The following PARD3B variants were observed in gnomAD, a reference collection of about 807,000 sequenced individuals.
PARD3B encodes the protein partitioning defective 3 homolog B.
A neutral mutation model predicts 130.2 loss-of-function variants in PARD3B; 103 were observed. The ratio of observed to expected loss-of-function variants is 0.79; its 90% CI spans 0.67 to 0.93. The LOEUF (loss-of-function observed/expected upper bound fraction) is 0.93. Ranked by LOEUF, PARD3B falls within the 40% of genes least tolerant of loss-of-function variation. The pLI is 0.00. For missense variants in PARD3B, 1,609 were observed against 1,499.2 expected (o/e 1.07, Z -1.21); for synonymous variants, 583 against 553.2 (o/e 1.05, Z -0.76).
chr2:205,507,193 A>T, intron 21 of PARD3B, among the ~76,000 whole-genome samples: 1 of 42,358 alleles, frequency 2.4e-5, no homozygotes, highest in East Asian at 7.2e-4. Context: ...AGACAGGTGC[A>T]GTATTTTTTT....
chr2:205,539,129 G>C (rs747843879), intron 21 of PARD3B, among the ~76,000 whole-genome samples: 1 of 152,138 alleles, frequency 6.6e-6, no homozygotes, highest in African/African-American at 2.4e-5. Flanking sequence ...TTTCCAGTTA[G>C]AATTAATTAA....
chr2:204,822,428 A>G (rs2043397228), intron 2 of PARD3B, among the ~76,000 whole-genome samples: 1 of 152,216 alleles, frequency 6.6e-6, no homozygotes, highest in Non-Finnish European at 1.5e-5. Flanking sequence ...GATTTAGAAT[A>G]TTTCATAAAC....
Position 205,509,370 on chromosome 2 carries a change from A to G in PARD3B, c.3180+9339A>G, listed in dbSNP as rs140932345. ...TAACCCCCTCCCTTCTTTTCTGGAC[A>G]CATTTTTTTGGGATACTCTCTGGGC... On this transcript the variant is annotated intron_variant, in intron 21 of 22. Transcript: ENST00000406610. 8.7e-3 allele frequency among the ~76,000 whole-genome samples: 1,331 copies of G among 152,206 alleles called. 9 individuals are homozygous for G. Among genetic ancestry groups the G allele is most frequent in the Non-Finnish European group, 0.015 (1,026 of 68,010 alleles).
In PARD3B at chr2:205,121,924, G is replaced by T; in HGVS notation, c.1140G>T (p.Lys380Asn). The T allele has an allele frequency of 6.2e-7, 1 of 1,610,312 alleles. No individual in the cohort carries two copies. The highest frequency in any genetic ancestry group is 8.5e-7 in the Non-Finnish European group (1 of 1,177,866). Residue 380 changes from lysine to asparagine, a missense_variant, in exon 8 of 23, where the codon AAG (lysine) becomes AAT (asparagine). Coordinates refer to ENST00000406610, the MANE Select transcript of PARD3B (RefSeq NM_001302769.2). The surrounding 1 kb of genome is among the most constrained non-coding windows in gnomAD (Gnocchi z 5.0). ...LMGFGSNKNA[K>N]KIKIDLKKGP... ...GATTTGGCAGCAATAAAAATGCAAA[G>T]AAAATTAAGATTGACCTAAAGAAAG...
rs115013172 is a variant in PARD3B, at chr2:205,575,601, T to A, written c.3260+22198T>A. Among the ~76,000 whole-genome samples the A allele has an allele frequency of 6.6e-3, 1,010 of 152,308 alleles. 16 individuals carry two copies. The highest frequency in any genetic ancestry group is 0.023 in the African/African-American group (973 of 41,564). ...CTGTCTTCATAGTTCTAACTTTTAGTATGTCATATGCTTGGAATCACACAG... is the reference window on the plus strand; with the variant it reads ...CTGTCTTCATAGTTCTAACTTTTAGAATGTCATATGCTTGGAATCACACAG... On this transcript the variant is annotated intron_variant, in intron 22 of 22. Transcript: ENST00000406610. The surrounding 1 kb of genome is among the most constrained non-coding windows in gnomAD (Gnocchi z 4.6).
intron 1 of PARD3B, among the ~76,000 whole-genome samples, chr2:204,611,296 A>G (rs2033913078): frequency 6.6e-6 from 1 of 152,174 alleles, no homozygotes; most frequent in African/African-American, 2.4e-5. Context: ...TTACTTAGAA[A>G]CATCCTATTA....
intron 1 of PARD3B, among the ~76,000 whole-genome samples, chr2:204,648,451 C>A (rs1283028903): frequency 4.0e-5 from 6 of 148,606 alleles, no homozygotes; most frequent in Non-Finnish European, 4.5e-5. Flanking sequence ...CATTCATGGA[C>A]AAGTGTATTT....
chr2:205,134,455 G>A (rs992490715), intron 10 of PARD3B, among the ~76,000 whole-genome samples: 1 of 149,922 alleles, frequency 6.7e-6, no homozygotes, highest in Admixed American at 6.7e-5. Context: ...GCCTAGAGAA[G>A]TAGAGGCTGT....
chr2:204,751,030 G>A (rs968778579), intron 2 of PARD3B, among the ~76,000 whole-genome samples: 3 of 152,274 alleles, frequency 2.0e-5, no homozygotes, highest in African/African-American at 2.4e-5. Context: ...CTGTGGAAAA[G>A]TTAATATTCA....
At chr2:204,977,285 A>G (rs1040261562) in intron 3 of PARD3B, among the ~76,000 whole-genome samples, 15 of 152,096 alleles carry the variant, frequency 9.9e-5, no homozygotes, top group African/African-American at 3.4e-4. Context: ...GTTCACAAGA[A>G]TTTTCTTTTA....
chr2:204,622,422 AC>A (rs1286284581), intron 1 of PARD3B, among the ~76,000 whole-genome samples: 1 of 152,174 alleles, frequency 6.6e-6, no homozygotes, highest in East Asian at 1.9e-4. Context: ...GTATACAATT[AC>A]ATACAACTCA....
chr2:204,668,976 C>T (rs1411365361), intron 1 of PARD3B, among the ~76,000 whole-genome samples: 1 of 152,104 alleles, frequency 6.6e-6, no homozygotes, highest in Non-Finnish European at 1.5e-5. Context: ...AGAATGTGGG[C>T]AACCTCTTCA....
chr2:205,060,871 C>G (rs1700026131), intron 4 of PARD3B, among the ~76,000 whole-genome samples: 1 of 152,068 alleles, frequency 6.6e-6, no homozygotes, highest in Non-Finnish European at 1.5e-5. Flanking sequence ...ATTATGATGG[C>G]AGTTTCACTA....
chr2:205,536,551 C>T (rs1281456689), intron 21 of PARD3B, among the ~76,000 whole-genome samples: 1 of 152,164 alleles, frequency 6.6e-6, no homozygotes, highest in Non-Finnish European at 1.5e-5. Flanking sequence ...TGATCAGTAA[C>T]TCACTTGTGG....
chr2:204,636,453 A>AGTGT (rs10596741), intron 1 of PARD3B, among the ~76,000 whole-genome samples: 6,488 of 139,414 alleles, frequency 0.047, 217 homozygotes, highest in African/African-American at 0.097. Flanking sequence ...AGGTCAGGTG[A>AGTGT]GTGTGTGTGT....
chr2:205,018,154 T>C (rs1279722315), intron 3 of PARD3B, among the ~76,000 whole-genome samples: 2 of 152,166 alleles, frequency 1.3e-5, no homozygotes, highest in Non-Finnish European at 2.9e-5. Context: ...TGTCTACATA[T>C]TTACCTTTAG....
At chr2:204,735,801 A>T (rs549825842) in intron 2 of PARD3B, among the ~76,000 whole-genome samples, 12 of 152,300 alleles carry the variant, frequency 7.9e-5, no homozygotes, top group Admixed American at 4.6e-4. Flanking sequence ...GTGTTGCATC[A>T]TGTTGTTGGC....
At chr2:205,155,623 T>C (rs139500906) in intron 10 of PARD3B, among the ~76,000 whole-genome samples, 1 of 152,218 alleles carries the variant, frequency 6.6e-6, no homozygotes, top group African/African-American at 2.4e-5. Context: ...AGAAAATGTG[T>C]CACCTTCCAC....
chr2:204,863,980 TTAAGTG>T lies in PARD3B; in HGVS notation c.223-101169_223-101164del, dbSNP rs2045314414. ...ATGGTTTATAATTCCAAAAAAAAGTTTAAGTGTATCACTTTCATTTAAGCTGTCATC... is the reference window on the plus strand; with the variant it reads ...ATGGTTTATAATTCCAAAAAAAAGTTTATCACTTTCATTTAAGCTGTCATC... On this transcript the variant is annotated intron_variant, in intron 2 of 22. Transcript: ENST00000406610. Among the ~76,000 whole-genome samples the T allele has an allele frequency of 2.0e-5, 3 of 152,224 alleles. No individual in the cohort carries two copies. The South Asian group carries it at 6.2e-4, about 32-fold the overall frequency.
Sources: allele counts gnomAD v4.1 joint callset (sites outside exome capture counted in the v4.1 genomes callset), GRCh38; gene constraint gnomAD v4.1.1; non-coding constraint Gnocchi (gnomAD v3.1); transcripts MANE v1.5; gene names NCBI Gene and HGNC (gene_info 2026-07-23, HGNC 2026-07-21).